SUSD4: variants seen among roughly 807,000 people sequenced by gnomAD.
SUSD4 encodes the protein sushi domain containing 4.
A neutral mutation model predicts 50.5 loss-of-function variants in SUSD4; 41 were observed. The observed-to-expected ratio is 0.81, with a 90% CI of 0.63 to 1.05. SUSD4 has a LOEUF of 1.05. SUSD4 is among the 50% of genes least tolerant of loss of function. The pLI is 0.00. For missense variants in SUSD4, 580 were observed against 634.7 expected, an observed-to-expected ratio of 0.91 and a Z score of 0.93; for synonymous variants, 257 against 257.3, an observed-to-expected ratio of 1.00 and a Z score of 0.01.
intron 2 of SUSD4, among the ~76,000 whole-genome samples, chr1:223,334,362 G>T (rs756413329): frequency 2.0e-5 from 3 of 151,986 alleles, no homozygotes; most frequent in Non-Finnish European, 4.4e-5. Flanking sequence ...AACATTTAAG[G>T]ATCAGGAAAG....
chr1:223,298,562 C>A (rs1327187341), intron 2 of SUSD4, among the ~76,000 whole-genome samples: 1 of 152,180 alleles, frequency 6.6e-6, no homozygotes, highest in Non-Finnish European at 1.5e-5. Flanking sequence ...CAGTCACCCT[C>A]TGCTAACAAA....
Position 223,354,121 on chromosome 1 carries a change from C to A in SUSD4, c.148+9157G>T, listed in dbSNP as rs115208322. Among the ~76,000 whole-genome samples the A allele has an allele frequency of 9.9e-3, 1,513 of 152,172 alleles. 6 individuals carry two copies. The highest frequency in any genetic ancestry group is 0.015 in the Non-Finnish European group (994 of 67,984). On this transcript the variant is annotated intron_variant, in intron 2 of 8. Coordinates refer to ENST00000366878, the MANE Select transcript of SUSD4 (RefSeq NM_017982.4). Reference sequence around the variant, plus strand: ...GACAGCTCTATGTGGATTCTCCACCCCCTCATCATAGGCTTCCTCCCTTCT... The same window carrying A: ...GACAGCTCTATGTGGATTCTCCACCACCTCATCATAGGCTTCCTCCCTTCT...
chr1:223,223,580 G>C lies in SUSD4; in HGVS notation c.1113C>G (p.Gly371=). The change falls in exon 8 of 9, where the codon GGC becomes GGG. Residue 371 remains glycine, a synonymous_variant. Transcript: ENST00000366878. The part of the protein sequence containing the change: ...SSDPDFVVVD[G]VPVMLPSYDE... ...CATAGGACGGGAGCATGACGGGCAC[G>C]CCGTCTACCACCACAAAGTCAGGGT... 1 of 1,612,886 alleles carries C rather than the reference G, an allele frequency of 6.2e-7. No individual in the cohort carries two copies. The highest frequency in any genetic ancestry group is 2.2e-5 in the East Asian group (1 of 44,852).
chr1:223,334,640 T>G (rs993230468), intron 2 of SUSD4, among the ~76,000 whole-genome samples: 1 of 152,124 alleles, frequency 6.6e-6, no homozygotes, highest in Non-Finnish European at 1.5e-5. Flanking sequence ...TTAGCAAAAC[T>G]AGAAGCTGGA....
chr1:223,290,169 A>C (rs1664396802), intron 3 of SUSD4, among the ~76,000 whole-genome samples: 1 of 152,244 alleles, frequency 6.6e-6, no homozygotes, highest in Non-Finnish European at 1.5e-5. Flanking sequence ...AAGGATAACA[A>C]ATGAATTCAG....
At position 223,227,678 on chromosome 1, in the gene SUSD4, G is replaced by A. The variant is rs367831626; in HGVS notation, c.977C>T (p.Thr326Met). Residue 326 changes from threonine to methionine, a missense_variant, in exon 7 of 9, where the codon ACG becomes ATG. Thr to Met is a moderately conservative substitution (Grantham distance 81). Transcript: ENST00000366878. This position sits in a 1 kb window ranked among gnomAD's most constrained non-coding sequence, Gnocchi z 4.5. ...LLTTWKIVAF[T>M]ATSVLLVLLL... ...CAGCACCAGCAGCACACTGGTTGCC[G>A]TGAACGCCACAATCTTCCACGTGGT... 9 of 1,613,466 alleles carry A rather than the reference G, an allele frequency of 5.6e-6. No homozygotes were observed. The highest frequency in any genetic ancestry group is 4.5e-5 in the East Asian group (2 of 44,852).
At chr1:223,266,583 G>A (rs1479654121) in intron 4 of SUSD4, among the ~76,000 whole-genome samples, 1 of 152,194 alleles carries the variant, frequency 6.6e-6, no homozygotes, top group Non-Finnish European at 1.5e-5. Flanking sequence ...GTTAATCACA[G>A]GAGAAGGAAA....
At chr1:223,259,095 AG>A (rs1360170987) in intron 5 of SUSD4, among the ~76,000 whole-genome samples, 2 of 152,200 alleles carry the variant, frequency 1.3e-5, no homozygotes, top group Admixed American at 1.3e-4. Flanking sequence ...TGTGAGCCCC[AG>A]GGGGACAGAG....
rs1662682762 is a variant in SUSD4, at chr1:223,268,545, T to C, written c.492A>G (p.Leu164=). 2.5e-6 allele frequency: 4 copies of C among 1,614,096 alleles called. No homozygotes were observed. The highest frequency in any genetic ancestry group is 3.4e-6 in the Non-Finnish European group (4 of 1,180,008). ...TATTCCACGTTCCATCATCGCGACA[T>C]AATGAAACCATATTGTGTAGGTCGG... ...RYPDLHNMVS[L]CRDDGTWNNL... The change falls in exon 4 of 9, where the codon TTA becomes TTG. Residue 164 remains leucine (L), a synonymous_variant. Coordinates refer to ENST00000366878, the MANE Select transcript of SUSD4 (RefSeq NM_017982.4).
At chr1:223,360,263 G>A (rs1239810333) in intron 2 of SUSD4, 4 of 470,360 alleles carry the variant, frequency 8.5e-6, no homozygotes, top group Non-Finnish European at 4.4e-6. Context: ...TGGGGGTGGG[G>A]GGCACTCTGG....
intron 5 of SUSD4, among the ~76,000 whole-genome samples, chr1:223,253,958 A>G (rs1661511341): frequency 6.6e-6 from 1 of 152,100 alleles, no homozygotes; most frequent in Non-Finnish European, 1.5e-5. Flanking sequence ...CAAAATAAAG[A>G]CCTCAGCTTG....
At chr1:223,345,408 G>C (rs535626867) in intron 2 of SUSD4, among the ~76,000 whole-genome samples, 1 of 152,270 alleles carries the variant, frequency 6.6e-6, no homozygotes, top group East Asian at 1.9e-4. Flanking sequence ...TGCTTATTAA[G>C]AGATGGAGCC....
At chr1:223,322,181 G>A (rs569891270) in intron 2 of SUSD4, among the ~76,000 whole-genome samples, 9 of 152,268 alleles carry the variant, frequency 5.9e-5, no homozygotes, top group Non-Finnish European at 1.2e-4. Context: ...TGGGCGATAC[G>A]AAAATATCTG....
chr1:223,292,389 A>G, intron 3 of SUSD4, 50 bp downstream of exon 3: 2 of 1,604,130 alleles, frequency 1.2e-6, no homozygotes, highest in Non-Finnish European at 1.7e-6. Context: ...CCCTGTGGCC[A>G]TGCAACTTGA....
chr1:223,286,711 T>G (rs1004742662), intron 3 of SUSD4, among the ~76,000 whole-genome samples: 1 of 152,212 alleles, frequency 6.6e-6, no homozygotes, highest in South Asian at 2.1e-4. Context: ...TGGATGAGAA[T>G]TGCCTGCTTG....
chr1:223,221,484 G>A lies in SUSD4; in HGVS notation c.*708C>T, dbSNP rs114509771. On this transcript the variant is annotated 3_prime_UTR_variant, in exon 9 of 9. Transcript: ENST00000366878. ...CCACACCATGAATACAAACACTGAT[G>A]ATATGTTACCAGAAGACAGCACAGA... 4 of 175,854 alleles carry A rather than the reference G, an allele frequency of 2.3e-5. No homozygotes were observed. Among genetic ancestry groups the A allele is most frequent in the African/African-American group, 9.4e-5 (4 of 42,644 alleles). The allele number at this position is 175,854 out of a possible 1,614,324, so 10.9% of individuals were successfully genotyped here. A position where few individuals can be genotyped will look rare whatever the true frequency, so the allele number is the denominator to read the frequency against.
intron 2 of SUSD4, chr1:223,360,413 C>T (rs1193108005): frequency 3.2e-6 from 1 of 315,690 alleles, no homozygotes; most frequent in Admixed American, 4.3e-5. Context: ...AGTTCTTGCA[C>T]AGCATTTGGT....
At chr1:223,325,070 C>G (rs906611272) in intron 2 of SUSD4, among the ~76,000 whole-genome samples, 3 of 152,084 alleles carry the variant, frequency 2.0e-5, no homozygotes, top group Non-Finnish European at 4.4e-5. Context: ...TTTGGAAATT[C>G]TTATGATTTG....
At chr1:223,343,424 T>C (rs138130109) in intron 2 of SUSD4, among the ~76,000 whole-genome samples, 2 of 152,346 alleles carry the variant, frequency 1.3e-5, no homozygotes, top group African/African-American at 2.4e-5. Flanking sequence ...GCCTCTGTTT[T>C]TGCTGACCAG....
Sources: allele counts gnomAD v4.1 joint callset (sites outside exome capture counted in the v4.1 genomes callset), GRCh38; gene constraint gnomAD v4.1.1; non-coding constraint Gnocchi (gnomAD v3.1); transcripts MANE v1.5; gene names NCBI Gene and HGNC (gene_info 2026-07-23, HGNC 2026-07-21).